The following DIS3L2 variants were observed in gnomAD, a reference collection of about 807,000 sequenced individuals.
The protein encoded by DIS3L2 is DIS3-like exonuclease 2.
In DIS3L2, 34 loss-of-function variants were observed where a neutral mutation model predicts 97.5. The observed-to-expected ratio is 0.35, with a 90% CI of 0.27 to 0.46. The LOEUF (loss-of-function observed/expected upper bound fraction) is 0.46, where lower values mean the gene tolerates loss of function less well. DIS3L2 is among the 20% of genes least tolerant of loss of function. The probability of loss-of-function intolerance (pLI) is 1.00; values close to 1 mark genes in which losing one functional copy is unlikely to be tolerated. For synonymous variants in DIS3L2, 435 were observed against 445.2 expected (o/e 0.98, Z 0.29); for missense variants, 1,038 against 1,146.0 (o/e 0.91, Z 1.36).
chr2:232,132,303 G>T (rs978233381), intron 7 of DIS3L2, among the ~76,000 whole-genome samples: 5 of 152,194 alleles, frequency 3.3e-5, no homozygotes, highest in Non-Finnish European at 5.9e-5. Context: ...TGAATTGCAA[G>T]TAATGTAGTA....
In DIS3L2 at chr2:232,327,485, G is replaced by A. The variant is rs568350544; in HGVS notation, c.1740-2328G>A. 3.9e-5 allele frequency among the ~76,000 whole-genome samples: 6 copies of A among 152,336 alleles called. No homozygotes were observed. The South Asian group carries it at 1.2e-3, about 32-fold the overall frequency. On this transcript the variant is annotated intron_variant, in intron 14 of 20. Transcript: ENST00000325385. ...CATAGTAGTTTTTATGGAGTGAGAGGGCAAAAGTACGCATGATTGTGTGCA... is the reference window on the plus strand; with the variant it reads ...CATAGTAGTTTTTATGGAGTGAGAGAGCAAAAGTACGCATGATTGTGTGCA...
chr2:232,067,855 G>C (rs1179983600), intron 5 of DIS3L2, among the ~76,000 whole-genome samples: 1 of 152,168 alleles, frequency 6.6e-6, no homozygotes, highest in Non-Finnish European at 1.5e-5. Context: ...AACATAAAGT[G>C]TTCCTCTTTT....
chr2:231,984,617 T>C (rs964434062), intron 1 of DIS3L2, among the ~76,000 whole-genome samples: 2 of 151,690 alleles, frequency 1.3e-5, no homozygotes, highest in Admixed American at 1.3e-4. Flanking sequence ...ATGGTCTCGA[T>C]CTCCTGACCT....
At chr2:232,202,125 C>T (rs1038141010) in intron 9 of DIS3L2, among the ~76,000 whole-genome samples, 5 of 152,198 alleles carry the variant, frequency 3.3e-5, no homozygotes, top group Admixed American at 1.3e-4. Context: ...TAAAAAGAGG[C>T]GTGATGGCTC....
At chr2:232,302,243 G>A (rs1044786682) in intron 14 of DIS3L2, among the ~76,000 whole-genome samples, 9 of 151,904 alleles carry the variant, frequency 5.9e-5, no homozygotes. Flanking sequence ...GTAGTGGAGT[G>A]GGGGGAGTGG....
intron 6 of DIS3L2, among the ~76,000 whole-genome samples, chr2:232,116,617 C>G (rs1465213115): frequency 6.6e-6 from 1 of 152,114 alleles, no homozygotes; most frequent in African/African-American, 2.4e-5. Flanking sequence ...TGGTTATAAC[C>G]TGTTGAGATT....
rs376140965 is a variant in DIS3L2, at chr2:232,263,264, G to A, written c.1483G>A (p.Glu495Lys). 20 of 1,614,042 alleles carry A rather than the reference G, an allele frequency of 1.2e-5. No homozygotes were observed. Among genetic ancestry groups the A allele is most frequent in the Middle Eastern group, 1.6e-4 (1 of 6,084 alleles). ...CCGCTCCTGCACCAAACTTAGCTAC[G>A]AGCATGCACAGAGCATGATTGAAAG... ...IIRSCTKLSY[E>K]HAQSMIESPT... is the part of the protein sequence containing the mutation. Residue 495 changes from glutamate to lysine, a missense_variant, in exon 13 of 21, where the codon GAG (glutamate) becomes AAG (lysine). Coordinates refer to ENST00000325385, the MANE Select transcript of DIS3L2 (RefSeq NM_152383.5).
intron 7 of DIS3L2, chr2:232,130,974 C>A: frequency 2.3e-6 from 1 of 433,576 alleles, no homozygotes; most frequent in Non-Finnish European, 4.0e-6. Flanking sequence ...TGTTATCTTT[C>A]TTGCTTAAAC....
intron 1 of DIS3L2, among the ~76,000 whole-genome samples, chr2:232,008,013 A>G (rs1694099434): frequency 6.6e-6 from 1 of 151,662 alleles, no homozygotes; most frequent in Admixed American, 6.6e-5. Flanking sequence ...ATTTTCTACT[A>G]CTTTTTTTTT....
intron 9 of DIS3L2, among the ~76,000 whole-genome samples, chr2:232,197,645 AC>A (rs1464168077): frequency 6.6e-6 from 1 of 152,160 alleles, no homozygotes. Context: ...TTGCCAAAAT[AC>A]ATCCAGAGTT....
chr2:232,065,044 A>G (rs1695816118), intron 5 of DIS3L2, among the ~76,000 whole-genome samples: 1 of 152,058 alleles, frequency 6.6e-6, no homozygotes, highest in African/African-American at 2.4e-5. Flanking sequence ...TTCCTATCTA[A>G]TATATCTCTG....
intron 14 of DIS3L2, 31 bp from the exon 15 acceptor site, chr2:232,329,782 C>G (rs778349396): frequency 2.7e-6 from 3 of 1,122,772 alleles, no homozygotes; most frequent in Non-Finnish European, 3.7e-6. Context: ...CAAACCCCAG[C>G]GGTCCCTCCC....
chr2:232,024,742 G>C lies in DIS3L2; in HGVS notation c.264+412G>C, dbSNP rs560344447. ...ATCTGAACATTTGTCCAAAAATAAC[G>C]TGTAATGCTTTTTTTTTTTGGTGGG... On this transcript the variant is annotated intron_variant, in intron 4 of 20. Coordinates refer to ENST00000325385, the MANE Select transcript of DIS3L2 (RefSeq NM_152383.5). 2.8e-3 allele frequency among the ~76,000 whole-genome samples: 427 copies of C among 151,910 alleles called. 1 individual carries two copies. Among genetic ancestry groups the C allele is most frequent in the Non-Finnish European group, 4.7e-3 (317 of 67,938 alleles).
At chr2:231,975,339 T>A (rs1215884932) in intron 1 of DIS3L2, among the ~76,000 whole-genome samples, 1 of 151,858 alleles carries the variant, frequency 6.6e-6, no homozygotes. Flanking sequence ...ATATATTATA[T>A]CTCTTTGAGG....
chr2:231,979,355 G>GTTATTTGAGATCATCAGAGAGGA, intron 1 of DIS3L2, among the ~76,000 whole-genome samples: 1 of 151,574 alleles, frequency 6.6e-6, no homozygotes, highest in African/African-American at 2.4e-5. Context: ...CCTGGGCTCA[G>GTTATTTGAGATCATCAGAGAGGA]GTGATCCCCT....
At chr2:232,164,708 A>G (rs1690753096) in intron 9 of DIS3L2, among the ~76,000 whole-genome samples, 1 of 152,182 alleles carries the variant, frequency 6.6e-6, no homozygotes, top group African/African-American at 2.4e-5. Context: ...ACTTGTTAGT[A>G]TCTCTCATAG....
intron 5 of DIS3L2, among the ~76,000 whole-genome samples, chr2:232,074,898 G>A (rs1309007311): frequency 2.0e-5 from 3 of 152,128 alleles, no homozygotes; most frequent in Non-Finnish European, 4.4e-5. Flanking sequence ...ACCGTATAGT[G>A]AAAGAATGGC....
downstream of DIS3L2, among the ~76,000 whole-genome samples, chr2:232,340,324 C>G (rs1696077753): frequency 6.6e-6 from 1 of 152,186 alleles, no homozygotes; most frequent in African/African-American, 2.4e-5. Flanking sequence ...ACGGGACCCC[C>G]AGCTCTGAGA....
At chr2:231,994,340 G>A (rs867702164) in intron 1 of DIS3L2, among the ~76,000 whole-genome samples, 5 of 151,124 alleles carry the variant, frequency 3.3e-5, no homozygotes, top group East Asian at 1.9e-4. Flanking sequence ...TTTTTTGGTC[G>A]TTCATTATTT....
Sources: allele counts gnomAD v4.1 joint callset (sites outside exome capture counted in the v4.1 genomes callset), GRCh38; gene constraint gnomAD v4.1.1; transcripts MANE v1.5; gene names NCBI Gene and HGNC (gene_info 2026-07-23, HGNC 2026-07-21).